PCYT1A: variants seen among roughly 807,000 people sequenced by gnomAD.
PCYT1A encodes the protein choline-phosphate cytidylyltransferase A.
PCYT1A carries 25 observed loss-of-function variants against 43.7 expected under a neutral mutation model. The observed-to-expected ratio is 0.57, with a 90% confidence interval of 0.42 to 0.80. The LOEUF (loss-of-function observed/expected upper bound fraction) is 0.80, where lower values mean the gene tolerates loss of function less well. PCYT1A is among the 30% of genes least tolerant of loss of function. The pLI is 0.00. For synonymous variants in PCYT1A, 172 were observed against 170.7 expected (o/e 1.01, Z -0.06); for missense variants, 421 against 474.2 (o/e 0.89, Z 1.04).
intron 5 of PCYT1A, chr3:196,243,138 T>A (rs1031358520): frequency 1.3e-5 from 2 of 156,662 alleles, no homozygotes; most frequent in African/African-American, 4.8e-5. Context: ...CTAACGTGGC[T>A]AACATGGTGA....
chr3:196,284,186 T>C (rs760340163), intron 1 of PCYT1A, among the ~76,000 whole-genome samples: 1 of 152,190 alleles, frequency 6.6e-6, no homozygotes, highest in Non-Finnish European at 1.5e-5. Flanking sequence ...AGAACTCTAC[T>C]ATTATTAGCA....
intron 2 of PCYT1A, chr3:196,267,236 CA>C (rs764336702): frequency 2.3e-6 from 1 of 428,844 alleles, no homozygotes; most frequent in African/African-American, 2.1e-5. Flanking sequence ...AATGAATCTT[CA>C]AAACAAGCTC....
At chr3:196,243,865 G>C (rs1724452237) in intron 5 of PCYT1A, among the ~76,000 whole-genome samples, 1 of 152,266 alleles carries the variant, frequency 6.6e-6, no homozygotes, top group Non-Finnish European at 1.5e-5. Flanking sequence ...GAGTGCAGTG[G>C]CGTGATCTCG....
chr3:196,242,019 A>T lies in PCYT1A; in HGVS notation c.637T>A (p.Tyr213Asn). The change falls in exon 7 of 9, where the codon TAT becomes AAT. Residue 213 changes from tyrosine to asparagine, a missense_variant. Around this residue, in one of 3 missense-constraint regions of PCYT1A, gnomAD observed 174 missense variants for 270.7 expected, o/e 0.64. Coordinates refer to ENST00000431016, the MANE Select transcript of PCYT1A (RefSeq NM_001312673.2). This position sits in a 1 kb window ranked among gnomAD's most constrained non-coding sequence, Gnocchi z 4.2. ...AGGTTCCGCCTCGCATACACATCATAATCCCGCACAATTCGGGTGATGATG... is the reference window on the plus strand; with the variant it reads ...AGGTTCCGCCTCGCATACACATCATTATCCCGCACAATTCGGGTGATGATG... The part of the protein sequence containing the change: ...SDIITRIVRD[Y>N]DVYARRNLQR... 6.2e-7 allele frequency: 1 copy of T among 1,614,130 alleles called. No individual in the cohort carries two copies. The highest frequency in any genetic ancestry group is 8.5e-7 in the Non-Finnish European group (1 of 1,179,982).
chr3:196,256,691 C>G (rs1724960511), intron 3 of PCYT1A, among the ~76,000 whole-genome samples: 1 of 151,996 alleles, frequency 6.6e-6, no homozygotes, highest in Non-Finnish European at 1.5e-5. Flanking sequence ...AGGTGCCCAC[C>G]ACCACGCCCA....
At chr3:196,243,614 T>G (rs985538028) in intron 5 of PCYT1A, among the ~76,000 whole-genome samples, 9 of 152,102 alleles carry the variant, frequency 5.9e-5, no homozygotes, top group South Asian at 2.1e-4. Flanking sequence ...CCGCCATCTC[T>G]GCTCACTGCA....
chr3:196,257,908 G>T, intron 2 of PCYT1A, 21 bp from the exon 3 acceptor site: 1 of 1,484,526 alleles, frequency 6.7e-7, no homozygotes, highest in Non-Finnish European at 9.4e-7. Context: ...GGAAAGTGAA[G>T]GAAAAGAAAG....
chr3:196,263,711 C>T (rs1349004624), intron 2 of PCYT1A, among the ~76,000 whole-genome samples: 1 of 152,160 alleles, frequency 6.6e-6, no homozygotes, highest in Admixed American at 6.5e-5. Flanking sequence ...CGGCTCACTG[C>T]AAGCTCCACC....
At chr3:196,276,362 G>C (rs1433901260) in intron 1 of PCYT1A, among the ~76,000 whole-genome samples, 1 of 152,084 alleles carries the variant, frequency 6.6e-6, no homozygotes, top group Non-Finnish European at 1.5e-5. Flanking sequence ...CCAGCACTTT[G>C]GGAGGCTGAG....
At chr3:196,240,360 G>A (rs536527692) in intron 7 of PCYT1A, among the ~76,000 whole-genome samples, 216 of 152,216 alleles carry the variant, frequency 1.4e-3, no homozygotes, top group African/African-American at 4.6e-3. Context: ...TAAACCCTCC[G>A]GTGGAAGGGA....
At chr3:196,266,060 A>C (rs933733799) in intron 2 of PCYT1A, among the ~76,000 whole-genome samples, 26 of 151,534 alleles carry the variant, frequency 1.7e-4, no homozygotes, top group Non-Finnish European at 2.9e-4. Context: ...ATTAAAAAAA[A>C]ATAAATAAAC....
At chr3:196,241,153 A>C (rs1020719384) in intron 7 of PCYT1A, among the ~76,000 whole-genome samples, 1 of 149,600 alleles carries the variant, frequency 6.7e-6, no homozygotes, top group Non-Finnish European at 1.5e-5. Flanking sequence ...AAAAAAAAAA[A>C]AAAAAAAAAA....
intron 7 of PCYT1A, chr3:196,241,672 C>G (rs982961253): frequency 7.2e-7 from 1 of 1,392,076 alleles, no homozygotes; most frequent in Admixed American, 2.2e-5. Context: ...TAAGAGACAC[C>G]GTTTTCCATT....
At position 196,235,399 on chromosome 3, in the gene PCYT1A, T is replaced by A. The variant is rs1220771921; in HGVS notation, c.*3289A>T. ...CTAAGTTTCCTTAGCCTCCCTCATA[T>A]TTTTTCTCTTCTTCAGGATTTTCAA... On this transcript the variant is annotated 3_prime_UTR_variant, in exon 9 of 9. Transcript: ENST00000431016. This position sits in a 1 kb window ranked among gnomAD's most constrained non-coding sequence, Gnocchi z 4.3. 1 of 152,248 alleles carries A rather than the reference T, an allele frequency of 6.6e-6. No homozygotes were observed. Among genetic ancestry groups the A allele is most frequent in the East Asian group, 1.9e-4 (1 of 5,198 alleles). 9.4% of individuals were successfully genotyped at this position (152,248 alleles called of 1,614,324 possible). A position where few individuals can be genotyped will look rare whatever the true frequency, so the allele number is the denominator to read the frequency against.
At chr3:196,274,979 C>T (rs1442773511) in intron 1 of PCYT1A, among the ~76,000 whole-genome samples, 1 of 152,110 alleles carries the variant, frequency 6.6e-6, no homozygotes, top group Non-Finnish European at 1.5e-5. Context: ...TTAATGATTC[C>T]TTCATAATAT....
intron 4 of PCYT1A, 98 bp downstream of exon 4, chr3:196,248,108 TA>T (rs2108766455): frequency 1.3e-6 from 1 of 746,654 alleles, no homozygotes. Flanking sequence ...ATCCTTCATT[TA>T]AAAATGGAAA....
rs1375278394 is a variant in PCYT1A at position 196,252,982 on chromosome 3, C to A, written c.218-4659G>T. Among the ~76,000 whole-genome samples the A allele has an allele frequency of 6.6e-6, 1 of 152,092 alleles. No individual in the cohort carries two copies. Among genetic ancestry groups the A allele is most frequent in the Non-Finnish European group, 1.5e-5 (1 of 68,000 alleles). On this transcript the variant is annotated intron_variant, in intron 3 of 8. Transcript: ENST00000431016. This position sits in a 1 kb window ranked among gnomAD's most constrained non-coding sequence, Gnocchi z 4.0. ...ATAAAACAAAATTTGAGCATATAAT[C>A]CCCCTTCTATGTCCCAGAAATCACT...
At chr3:196,280,618 A>T (rs1395551592) in intron 1 of PCYT1A, among the ~76,000 whole-genome samples, 5 of 122,856 alleles carry the variant, frequency 4.1e-5, no homozygotes, top group Middle Eastern at 7.9e-3. Flanking sequence ...AGTTTGGCTG[A>T]ATCTGCGGAT....
In PCYT1A at chr3:196,268,750, G is replaced by T. The variant is rs1033753617; in HGVS notation, c.117+1665C>A. ...GCAGACGTTGCAGTGAACCGGGACC[G>T]CACCACTGCACTCCAGCCTGGGTGA... On this transcript the variant is annotated intron_variant, in intron 2 of 8. Transcript: ENST00000431016. The surrounding 1 kb of genome is among the most constrained non-coding windows in gnomAD (Gnocchi z 4.4). 6.6e-6 allele frequency among the ~76,000 whole-genome samples: 1 copy of T among 152,080 alleles called. No homozygotes were observed. Among genetic ancestry groups the T allele is most frequent in the Non-Finnish European group, 1.5e-5 (1 of 68,016 alleles).
Sources: allele counts gnomAD v4.1 joint callset (sites outside exome capture counted in the v4.1 genomes callset), GRCh38; gene constraint gnomAD v4.1.1; regional missense constraint gnomAD v4.1.1; non-coding constraint Gnocchi (gnomAD v3.1); transcripts MANE v1.5; gene names NCBI Gene and HGNC (gene_info 2026-07-23, HGNC 2026-07-21).